Variants in KCNMB2 observed in about 807,000 individuals in gnomAD.
KCNMB2 encodes calcium-activated potassium channel subunit beta-2.
KCNMB2 carries 9 observed loss-of-function variants against 24.5 expected under a neutral mutation model. The observed-to-expected ratio is 0.37, with a 90% CI of 0.22 to 0.64. The LOEUF is 0.64. Ranked by LOEUF, KCNMB2 falls within the 30% of genes least tolerant of loss-of-function variation. The pLI is 0.63. For synonymous variants in KCNMB2, 109 were observed against 104.4 expected, an observed-to-expected ratio of 1.04 and a Z score of -0.27; for missense variants, 226 against 284.3, an observed-to-expected ratio of 0.79 and a Z score of 1.47.
chr3:178,735,331 G>T (rs998833383), intron 1 of KCNMB2, among the ~76,000 whole-genome samples: 11 of 114,250 alleles, frequency 9.6e-5, no homozygotes, highest in African/African-American at 3.5e-4. Flanking sequence ...TCACTCCAGG[G>T]TGCCAAGAAA....
At chr3:178,657,643 G>C (rs1720391607) in intron 1 of KCNMB2, among the ~76,000 whole-genome samples, 1 of 152,192 alleles carries the variant, frequency 6.6e-6, no homozygotes, top group South Asian at 2.1e-4. Flanking sequence ...GTCTTAGCCT[G>C]TTTTCTATTG....
intron 1 of KCNMB2, among the ~76,000 whole-genome samples, chr3:178,710,383 G>A (rs946680390): frequency 6.6e-6 from 1 of 152,122 alleles, no homozygotes; most frequent in Admixed American, 6.5e-5. Flanking sequence ...TCAAACCGGG[G>A]AAAGGAATGC....
At chr3:178,723,268 A>G (rs926247379) in intron 1 of KCNMB2, among the ~76,000 whole-genome samples, 1 of 152,192 alleles carries the variant, frequency 6.6e-6, no homozygotes, top group African/African-American at 2.4e-5. Context: ...TCCTGCTGGA[A>G]TTTTGATTGA....
At chr3:178,677,212 C>T (rs563198260) in intron 1 of KCNMB2, among the ~76,000 whole-genome samples, 2 of 152,226 alleles carry the variant, frequency 1.3e-5, no homozygotes, top group South Asian at 2.1e-4. Context: ...AAACTCCCCA[C>T]GCTGACCTCA....
intron 1 of KCNMB2, among the ~76,000 whole-genome samples, chr3:178,697,984 G>A (rs898210488): frequency 3.3e-5 from 5 of 152,020 alleles, no homozygotes; most frequent in Non-Finnish European, 7.4e-5. Context: ...TTAGTCTGAT[G>A]GGCTTCCCTT....
At chr3:178,537,552 T>C (rs1321200083) in intron 1 of KCNMB2, among the ~76,000 whole-genome samples, 2 of 152,206 alleles carry the variant, frequency 1.3e-5, no homozygotes, top group African/African-American at 4.8e-5. Context: ...AATGAATAGA[T>C]TTGCAGAGGA....
intron 1 of KCNMB2, among the ~76,000 whole-genome samples, chr3:178,748,027 G>T (rs1048258023): frequency 2.0e-5 from 3 of 152,172 alleles, no homozygotes; most frequent in African/African-American, 4.8e-5. Context: ...AAAGTCTGAT[G>T]ACTAACCCAA....
intron 1 of KCNMB2, among the ~76,000 whole-genome samples, chr3:178,728,798 G>A (rs1422221245): frequency 6.6e-6 from 1 of 152,096 alleles, no homozygotes; most frequent in Admixed American, 6.6e-5. Flanking sequence ...CTTGAAACTT[G>A]GCATCTCACC....
chr3:178,619,578 C>G (rs1245981237), intron 1 of KCNMB2, among the ~76,000 whole-genome samples: 2 of 152,002 alleles, frequency 1.3e-5, no homozygotes, highest in Non-Finnish European at 2.9e-5. Flanking sequence ...GTATAAAAAA[C>G]CGAGGCCCAA....
At chr3:178,573,676 G>A (rs533676440) in intron 1 of KCNMB2, among the ~76,000 whole-genome samples, 50 of 146,034 alleles carry the variant, frequency 3.4e-4, no homozygotes, top group African/African-American at 1.2e-3. Context: ...GAGCCCAGAA[G>A]GTCAAAGCTG....
intron 1 of KCNMB2, among the ~76,000 whole-genome samples, chr3:178,612,498 C>T (rs1309220669): frequency 1.3e-5 from 2 of 152,120 alleles, no homozygotes; most frequent in Admixed American, 6.5e-5. Flanking sequence ...TAGTGACCTT[C>T]CTTGTCTCTT....
chr3:178,842,895 C>T lies in KCNMB2; in HGVS notation c.666C>T (p.Tyr222=). 1.2e-6 allele frequency: 2 copies of T among 1,613,824 alleles called. No homozygotes were observed. The highest frequency in any genetic ancestry group is 1.7e-6 in the Non-Finnish European group (2 of 1,179,794). ...TTGCCATGGTGAAACTTACACAGTACCTCTCCCTACTATGTGAGAGGATCC... is the reference window on the plus strand; with the variant it reads ...TTGCCATGGTGAAACTTACACAGTATCTCTCCCTACTATGTGAGAGGATCC... ...AIVAMVKLTQ[Y]LSLLCERIQR... Residue 222 remains tyrosine (Y), a synonymous_variant, in exon 5 of 5, where the codon TAC becomes TAT. Coordinates refer to ENST00000452583, the MANE Select transcript of KCNMB2 (RefSeq NM_181361.3).
At chr3:178,729,328 C>T (rs543071444) in intron 1 of KCNMB2, 2 of 152,216 alleles carry the variant, frequency 1.3e-5, no homozygotes, top group South Asian at 4.1e-4. Context: ...AATTTGGTCC[C>T]ATCTCACAGT....
At chr3:178,744,651 C>A (rs1277999112) in intron 1 of KCNMB2, among the ~76,000 whole-genome samples, 2 of 151,976 alleles carry the variant, frequency 1.3e-5, no homozygotes, top group African/African-American at 4.8e-5. Context: ...GGAACAGAGG[C>A]TCACTGGAGC....
chr3:178,702,586 T>C (rs1262566845), intron 1 of KCNMB2, among the ~76,000 whole-genome samples: 1 of 152,160 alleles, frequency 6.6e-6, no homozygotes, highest in Non-Finnish European at 1.5e-5. Context: ...TGTGACTGCC[T>C]ATCAAAACTC....
At chr3:178,538,246 A>C (rs1202323493) in intron 1 of KCNMB2, among the ~76,000 whole-genome samples, 1 of 152,200 alleles carries the variant, frequency 6.6e-6, no homozygotes, top group South Asian at 2.1e-4. Flanking sequence ...TGACCAGACC[A>C]CATGTCCACG....
At chr3:178,792,245 T>A (rs537858507) in intron 1 of KCNMB2, among the ~76,000 whole-genome samples, 1 of 152,174 alleles carries the variant, frequency 6.6e-6, no homozygotes, top group African/African-American at 2.4e-5. Flanking sequence ...AAAAGTGGGA[T>A]GAATTGAGTT....
At chr3:178,671,382 G>A (rs1366612436) in intron 1 of KCNMB2, among the ~76,000 whole-genome samples, 2 of 152,072 alleles carry the variant, frequency 1.3e-5, no homozygotes, top group Non-Finnish European at 2.9e-5. Context: ...GTAACCTTGT[G>A]GCATTTGGAA....
At chr3:178,702,183 C>CA (rs1483495833) in intron 1 of KCNMB2, among the ~76,000 whole-genome samples, 4 of 148,564 alleles carry the variant, frequency 2.7e-5, no homozygotes, top group East Asian at 2.0e-4. Context: ...ATCACAAGGA[C>CA]AAAAAACCAA....
Sources: gnomAD v4.1 joint callset for allele counts (sites outside exome capture counted in the v4.1 genomes callset) on GRCh38, gnomAD v4.1.1 for gene constraint, MANE v1.5 for transcripts, NCBI Gene and HGNC (gene_info 2026-07-23, HGNC 2026-07-21) for gene names.